The following PCDHA8 variants were observed in gnomAD, a reference collection of about 807,000 sequenced individuals.
The protein encoded by PCDHA8 is protocadherin alpha-8.
Under a neutral mutation model 61.8 loss-of-function variants are expected in PCDHA8, and 53 were observed. That is an observed-to-expected ratio of 0.86 (90% CI 0.69 to 1.08). The LOEUF (loss-of-function observed/expected upper bound fraction) is 1.08, where lower values mean the gene tolerates loss of function less well. PCDHA8 is among the 50% of genes least tolerant of loss of function. The pLI, the probability that PCDHA8 is intolerant of heterozygous loss-of-function variation, is 0.00. For synonymous variants in PCDHA8, 618 were observed against 556.6 expected (o/e 1.11, Z -1.55); for missense variants, 1,293 against 1,245.0 (o/e 1.04, Z -0.58).
chr5:140,906,120 A>C (rs1554192404), intron 1 of PCDHA8, among the ~76,000 whole-genome samples: 1 of 152,134 alleles, frequency 6.6e-6, no homozygotes, highest in East Asian at 1.9e-4. Flanking sequence ...CCACTGACAC[A>C]AATGTTAGTC....
intron 1 of PCDHA8, among the ~76,000 whole-genome samples, chr5:140,892,460 C>T (rs1428598912): frequency 1.3e-5 from 2 of 152,102 alleles, no homozygotes; most frequent in African/African-American, 2.4e-5. Context: ...TCTTTAAGTA[C>T]GGTTATTCAG....
intron 3 of PCDHA8, among the ~76,000 whole-genome samples, 199 bp downstream of exon 3, chr5:140,982,762 TAAC>T (rs1210027762): frequency 6.6e-6 from 1 of 152,130 alleles, no homozygotes; most frequent in Non-Finnish European, 1.5e-5. Context: ...TGAAAAAGGA[TAAC>T]AAGGAAAGTG....
chr5:140,849,289 A>G, intron 1 of PCDHA8: 1 of 1,220,472 alleles, frequency 8.2e-7, no homozygotes, highest in Non-Finnish European at 1.1e-6. Context: ...ATTCACCCCA[A>G]TGCCTCAGAT....
intron 1 of PCDHA8, among the ~76,000 whole-genome samples, chr5:140,918,603 A>G (rs2078773753): frequency 6.6e-6 from 1 of 152,252 alleles, no homozygotes; most frequent in African/African-American, 2.4e-5. Context: ...AGATGTTGCT[A>G]TGATATGAAT....
intron 1 of PCDHA8, among the ~76,000 whole-genome samples, chr5:140,956,090 C>T (rs964801271): frequency 1.3e-5 from 2 of 152,162 alleles, no homozygotes; most frequent in Non-Finnish European, 2.9e-5. Flanking sequence ...ATGTCATCTG[C>T]AAACAAAGAT....
chr5:140,972,623 T>C (rs1554234256), intron 1 of PCDHA8, among the ~76,000 whole-genome samples: 1 of 151,938 alleles, frequency 6.6e-6, no homozygotes, highest in African/African-American at 2.4e-5. Context: ...TGAATGTTGT[T>C]GGCACTCCCT....
chr5:140,858,306 G>A (rs1554151408), intron 1 of PCDHA8: 3 of 1,597,282 alleles, frequency 1.9e-6, no homozygotes, highest in South Asian at 1.1e-5. Flanking sequence ...CAGCAGAGGC[G>A]GCAGAGGGTG....
At chr5:140,862,563 C>G in intron 1 of PCDHA8, 1 of 476,978 alleles carries the variant, frequency 2.1e-6, no homozygotes, top group East Asian at 5.5e-5. Context: ...CAGTGAACCA[C>G]AATGCCCTGG....
At chr5:140,907,181 A>T (rs1216886799) in intron 1 of PCDHA8, among the ~76,000 whole-genome samples, 3 of 152,220 alleles carry the variant, frequency 2.0e-5, no homozygotes, top group African/African-American at 7.2e-5. Context: ...GATTCAGAGC[A>T]TACACAACCT....
chr5:140,869,697 G>T (rs552852780), intron 1 of PCDHA8: 1 of 1,613,410 alleles, frequency 6.2e-7, no homozygotes, highest in Admixed American at 1.7e-5. Flanking sequence ...TTTTAAAGAA[G>T]TCTCTGGATA....
chr5:140,847,960 C>T (rs1781264454), intron 1 of PCDHA8: 1 of 152,930 alleles, frequency 6.5e-6, no homozygotes. Context: ...ACACTAGAAT[C>T]CTATTTCGAG....
intron 1 of PCDHA8, chr5:140,858,108 C>A (rs781859966): frequency 3.1e-6 from 5 of 1,597,590 alleles, no homozygotes; most frequent in Non-Finnish European, 4.3e-6. Context: ...GGCGTGGCGC[C>A]CGAGGTGGCC....
At chr5:140,960,785 A>C (rs1452809407) in intron 1 of PCDHA8, among the ~76,000 whole-genome samples, 2 of 152,200 alleles carry the variant, frequency 1.3e-5, no homozygotes, top group Admixed American at 1.3e-4. Context: ...AGGGCCAAAC[A>C]AGGTTTCTAT....
chr5:140,969,037 C>T (rs1554231375), intron 1 of PCDHA8: 1 of 1,614,158 alleles, frequency 6.2e-7, no homozygotes, highest in South Asian at 1.1e-5. Flanking sequence ...CAGAACTGTA[C>T]AAACAAGCCA....
At chr5:140,923,434 G>A (rs1461886077) in intron 1 of PCDHA8, among the ~76,000 whole-genome samples, 1 of 152,088 alleles carries the variant, frequency 6.6e-6, no homozygotes, top group Non-Finnish European at 1.5e-5. Context: ...AGGCTGGGGT[G>A]GGAGGATCAC....
rs369670852 is a variant in PCDHA8, at chr5:140,928,571, C to G, written c.2395-50378C>G. 1.9e-5 allele frequency: 30 copies of G among 1,614,180 alleles called. 1 individual carries two copies. The African/African-American group carries it at 1.9e-4, about 10-fold the overall frequency. On this transcript the variant is annotated intron_variant, in intron 1 of 3. Transcript: ENST00000531613. ...TATCCGGTTATCTTGTTTCCCTTGC[C>G]CAGAAATGGTTCTGTCCCAGTGGAA...
At chr5:140,895,454 G>T (rs1554186522) in intron 1 of PCDHA8, among the ~76,000 whole-genome samples, 1 of 151,918 alleles carries the variant, frequency 6.6e-6, no homozygotes, top group Non-Finnish European at 1.5e-5. Context: ...TGTGCTTATT[G>T]GTCATTTCTT....
At chr5:140,884,396 C>T (rs2060144550) in intron 1 of PCDHA8, 1 of 1,614,012 alleles carries the variant, frequency 6.2e-7, no homozygotes, top group Middle Eastern at 1.6e-4. Context: ...GGTGTCCAGC[C>T]TGTTGGTGCT....
rs2150313122 is a variant in PCDHA8, at chr5:140,841,305, G to A, written c.-17G>A. ...TATATTAAGATAATATTTTCTGATA[G>A]GAAACGACTATTTAACATGGATTAT... is the stretch of plus-strand genomic sequence containing the variant. On this transcript the variant is annotated 5_prime_UTR_variant, in exon 1 of 4. Coordinates refer to ENST00000531613, the MANE Select transcript of PCDHA8 (RefSeq NM_018911.3). The A allele has an allele frequency of 1.3e-6, 2 of 1,543,548 alleles. No homozygotes were observed. The highest frequency in any genetic ancestry group is 1.8e-6 in the Non-Finnish European group (2 of 1,137,126).
Sources: gnomAD v4.1 joint callset for allele counts (sites outside exome capture counted in the v4.1 genomes callset) on GRCh38, gnomAD v4.1.1 for gene constraint, MANE v1.5 for transcripts, NCBI Gene and HGNC (gene_info 2026-07-23, HGNC 2026-07-21) for gene names.